Variants in BOD1L1 observed in about 807,000 individuals in gnomAD.
BOD1L1 encodes biorientation of chromosomes in cell division protein 1-like 1.
BOD1L1 carries 86 observed loss-of-function variants against 240.7 expected under a neutral mutation model. The ratio of observed to expected loss-of-function variants is 0.36; its 90% CI spans 0.30 to 0.43. BOD1L1 has a LOEUF of 0.43. BOD1L1 is among the 20% of genes least tolerant of loss of function. BOD1L1 has a pLI of 1.00. For missense variants in BOD1L1, 3,554 were observed against 3,643.5 expected (o/e 0.98, Z 0.63); for synonymous variants, 1,268 against 1,272.3 (o/e 1.00, Z 0.07).
intron 25 of BOD1L1, among the ~76,000 whole-genome samples, chr4:13,574,551 T>G (rs955141824): frequency 2.0e-5 from 3 of 152,180 alleles, no homozygotes; most frequent in Admixed American, 1.3e-4. Flanking sequence ...AGACACTCAC[T>G]CGAAGATGGC....
In BOD1L1 at chr4:13,579,956, A is replaced by T. The variant is rs770905798; in HGVS notation, c.8721T>A (p.Ser2907=). The change falls in exon 22 of 26, where the codon TCT becomes TCA. Residue 2907 remains serine (S), a synonymous_variant. Transcript: ENST00000040738. Reference sequence around the variant, plus strand: ...TTTGCATTACTTTCAGTTTGCTGCTAGATGGAGATTGTTCTACCTATGTTT... The same window carrying T: ...TTTGCATTACTTTCAGTTTGCTGCTTGATGGAGATTGTTCTACCTATGTTT... ...TGIVTVEQSP[S]SSKLKVMQTD... is the part of the protein sequence containing the mutation. 1 of 1,559,752 alleles carries T rather than the reference A, an allele frequency of 6.4e-7. No homozygotes were observed. The highest frequency in any genetic ancestry group is 8.7e-7 in the Non-Finnish European group (1 of 1,150,670).
In BOD1L1 at chr4:13,604,564, G is replaced by C; in HGVS notation, c.2336C>G (p.Thr779Arg). The change falls in exon 10 of 26, where the codon ACA (threonine) becomes AGA (arginine). Residue 779 changes from threonine (T) to arginine (R), a missense_variant. Coordinates refer to ENST00000040738, the MANE Select transcript of BOD1L1 (RefSeq NM_148894.3). ...GGTTTTATCATCTGAAGAAAGCTTT[G>C]TTTGTTGACTTTGCTTTTGAATATT... ...EENIQKQSQQ[T>R]KLSSDDKTER... 6.4e-7 allele frequency: 1 copy of C among 1,557,868 alleles called. No individual in the cohort carries two copies. Among genetic ancestry groups the C allele is most frequent in the Non-Finnish European group, 8.6e-7 (1 of 1,160,738 alleles).
In BOD1L1 at chr4:13,597,140, C is replaced by T. The variant is rs1714686633; in HGVS notation, c.7983G>A (p.Leu2661=). 1.3e-6 allele frequency: 2 copies of T among 1,595,318 alleles called. No homozygotes were observed. The highest frequency in any genetic ancestry group is 1.7e-6 in the Non-Finnish European group (2 of 1,169,864). ...AGTTGGCTTTCAGTTTCAATCCTCC[C>T]AAAACATTCAATGGAGACTCTTCAT... The part of the protein sequence containing the change: ...IGNEESPLNV[L]GGLKLKANLK... Residue 2661 remains leucine, a synonymous_variant, in exon 11 of 26, where the codon TTG becomes TTA. Coordinates refer to ENST00000040738, the MANE Select transcript of BOD1L1 (RefSeq NM_148894.3).
chr4:13,581,719 G>A (rs952296671), intron 19 of BOD1L1, among the ~76,000 whole-genome samples: 1 of 152,162 alleles, frequency 6.6e-6, no homozygotes, highest in African/African-American at 2.4e-5. Flanking sequence ...TGCTCCACAG[G>A]CTCCCTGAAA....
At position 13,612,418 on chromosome 4, in the gene BOD1L1, T is replaced by C. The variant is rs866968508; in HGVS notation, c.1324+1094A>G. 3.3e-5 allele frequency among the ~76,000 whole-genome samples: 5 copies of C among 152,248 alleles called. No homozygotes were observed. The South Asian group carries it at 8.3e-4, about 25-fold the overall frequency. On this transcript the variant is annotated intron_variant, in intron 5 of 25. Transcript: ENST00000040738. ...TAAGATATTGGTAAGAAGCACAGAC[T>C]CGGGTTTGAAATCTGCACTGGTGCT...
intron 25 of BOD1L1, chr4:13,572,886 A>C: frequency 7.8e-7 from 1 of 1,279,474 alleles, no homozygotes; most frequent in Non-Finnish European, 1.0e-6. Flanking sequence ...AGCACTGAAT[A>C]CTCCAGTCCC....
intron 6 of BOD1L1, among the ~76,000 whole-genome samples, chr4:13,609,985 T>G (rs1716030224): frequency 6.6e-6 from 1 of 152,172 alleles, no homozygotes; most frequent in Non-Finnish European, 1.5e-5. Flanking sequence ...CCAAAAATCC[T>G]AAGCAGGTGC....
Position 13,600,956 on chromosome 4 carries a change from C to T in BOD1L1, c.5944G>A (p.Ala1982Thr), listed in dbSNP as rs1479771441. 1 of 1,613,808 alleles carries T rather than the reference C, an allele frequency of 6.2e-7. No individual in the cohort carries two copies. Among genetic ancestry groups the T allele is most frequent in the Non-Finnish European group, 8.5e-7 (1 of 1,179,874 alleles). Residue 1982 changes from alanine (A) to threonine (T), a missense_variant, in exon 10 of 26, where the codon GCT becomes ACT. Ala to Thr is a moderately conservative substitution (Grantham distance 58). Coordinates refer to ENST00000040738, the MANE Select transcript of BOD1L1 (RefSeq NM_148894.3). ...TGACTGTCACTTTGATCAGATGCAG[C>T]ACTAGTCATAGGACCCTCACAACCT... ...PGGCEGPMTSAASDQSDSQLE... is the reference protein window; with the variant it reads ...PGGCEGPMTSTASDQSDSQLE...
Position 13,582,676 on chromosome 4 carries a change from T to A in BOD1L1, c.8494A>T (p.Thr2832Ser), listed in dbSNP as rs1355763842. The change falls in exon 18 of 26, where the codon ACC (threonine) becomes TCC (serine). Residue 2832 changes from threonine (T) to serine (S), a missense_variant. Thr to Ser is a moderately conservative substitution (Grantham distance 58, BLOSUM62 1). Coordinates refer to ENST00000040738, the MANE Select transcript of BOD1L1 (RefSeq NM_148894.3). Reference sequence around the variant, plus strand: ...CCTTTTTCTTCCATGACCCTTGAGGTAGTGCTATTTGTCTCAGAACTGGTT... The same window carrying A: ...CCTTTTTCTTCCATGACCCTTGAGGAAGTGCTATTTGTCTCAGAACTGGTT... ...PKTSSETNST[T>S]SRVMEEKDEY... is the part of the protein sequence containing the mutation. The A allele has an allele frequency of 1.2e-6, 2 of 1,612,658 alleles. No homozygotes were observed. Among genetic ancestry groups the A allele is most frequent in the Non-Finnish European group, 1.7e-6 (2 of 1,178,690 alleles).
At chr4:13,595,775 G>A in intron 12 of BOD1L1, 85 bp downstream of exon 12, 3 of 989,668 alleles carry the variant, frequency 3.0e-6, no homozygotes, top group Non-Finnish European at 4.7e-6. Context: ...ATGTTACTAT[G>A]CATCAGCTAT....
chr4:13,621,478 T>C (rs929198654), intron 1 of BOD1L1, among the ~76,000 whole-genome samples: 1 of 152,240 alleles, frequency 6.6e-6, no homozygotes, highest in African/African-American at 2.4e-5. Flanking sequence ...TGAAATCATC[T>C]TGACACCGAA....
rs1716506947 is a variant in BOD1L1 at position 13,615,368 on chromosome 4, C to G, written c.503G>C (p.Gly168Ala). ...ATCATCGGGAGCTGTGTTGCCACTT[C>G]CTTCCTCTTTGTGATTTAGCGTGGC... Reference protein sequence around the residue: ...FLATLNHKEEGSGNTAPDDEK... With the variant: ...FLATLNHKEEASGNTAPDDEK... Residue 168 changes from glycine to alanine, a missense_variant, in exon 3 of 26, where the codon GGA (glycine) becomes GCA (alanine). Gly to Ala is a moderately conservative substitution (Grantham distance 60, BLOSUM62 0). Transcript: ENST00000040738. 6.2e-7 allele frequency: 1 copy of G among 1,613,712 alleles called. No individual in the cohort carries two copies. The highest frequency in any genetic ancestry group is 1.6e-4 in the Middle Eastern group (1 of 6,062).
At chr4:13,625,487 A>G (rs779179195) in intron 1 of BOD1L1, 1 of 152,214 alleles carries the variant, frequency 6.6e-6, no homozygotes, top group Non-Finnish European at 1.5e-5. Flanking sequence ...ACATACCAAT[A>G]ACATTTTGTG....
At chr4:13,572,007 TC>T (rs1712248432) in intron 25 of BOD1L1, among the ~76,000 whole-genome samples, 1 of 152,076 alleles carries the variant, frequency 6.6e-6, no homozygotes, top group South Asian at 2.1e-4. Context: ...CAGTGAAGAG[TC>T]TTTTATTTTT....
chr4:13,575,112 G>A (rs1197072876), intron 25 of BOD1L1, among the ~76,000 whole-genome samples: 1 of 151,844 alleles, frequency 6.6e-6, no homozygotes, highest in Non-Finnish European at 1.5e-5. Context: ...GTAGAGATGG[G>A]GTTTCACCAT....
intron 2 of BOD1L1, among the ~76,000 whole-genome samples, chr4:13,619,353 G>A (rs183328718): frequency 6.7e-6 from 1 of 149,260 alleles, no homozygotes; most frequent in African/African-American, 2.5e-5. Flanking sequence ...AGTTTCCTAA[G>A]GATGCTCCAA....
intron 3 of BOD1L1, 139 bp from the exon 4 acceptor site, chr4:13,614,949 G>T: frequency 2.2e-6 from 2 of 929,832 alleles, no homozygotes; most frequent in Non-Finnish European, 3.1e-6. Flanking sequence ...AGACTTTCAG[G>T]TACCAGTACT....
rs2108866557 is a variant in BOD1L1 at position 13,569,829 on chromosome 4, A to G, written c.*182T>C. ...CCTTTATCTGAAATAAATGTACATAATATCTTCTATGAACAATAGTTTATA... is the reference window on the plus strand; with the variant it reads ...CCTTTATCTGAAATAAATGTACATAGTATCTTCTATGAACAATAGTTTATA... On this transcript the variant is annotated 3_prime_UTR_variant, in exon 26 of 26. Coordinates refer to ENST00000040738, the MANE Select transcript of BOD1L1 (RefSeq NM_148894.3). The G allele has an allele frequency of 2.5e-6, 1 of 393,958 alleles. No individual in the cohort carries two copies. Among genetic ancestry groups the G allele is most frequent in the Non-Finnish European group, 4.5e-6 (1 of 222,468 alleles). 24.4% of individuals were successfully genotyped at this position (393,958 alleles called of 1,614,324 possible). A position where few individuals can be genotyped will look rare whatever the true frequency, so the allele number is the denominator to read the frequency against.
chr4:13,598,886 ACT>A, intron 10 of BOD1L1, 58 bp downstream of exon 10: 1 of 1,483,360 alleles, frequency 6.7e-7, no homozygotes, highest in South Asian at 1.4e-5. Context: ...TCCTAAATGC[ACT>A]CTGTTGTACA....
Sources: gnomAD v4.1 joint callset for allele counts (sites outside exome capture counted in the v4.1 genomes callset) on GRCh38, gnomAD v4.1.1 for gene constraint, MANE v1.5 for transcripts, NCBI Gene and HGNC (gene_info 2026-07-23, HGNC 2026-07-21) for gene names.